Variants in ZSWIM4 observed in about 807,000 individuals in gnomAD.
ZSWIM4 encodes zinc finger SWIM-type containing 4, also known as zinc finger SWIM domain-containing protein 4.
A neutral mutation model predicts 102.5 loss-of-function variants in ZSWIM4; 62 were observed. That is an observed-to-expected ratio of 0.60 (90% CI 0.49 to 0.75). The LOEUF is 0.75. ZSWIM4 is among the 30% of genes least tolerant of loss of function. The probability of loss-of-function intolerance (pLI) is 0.00; values close to 1 mark genes in which losing one functional copy is unlikely to be tolerated. For missense variants in ZSWIM4, 1,280 were observed against 1,529.6 expected (o/e 0.84, Z 2.72); for synonymous variants, 652 against 674.5 (o/e 0.97, Z 0.52).
In ZSWIM4 at chr19:13,828,684, A is replaced by T; in HGVS notation, c.2419A>T (p.Arg807Trp). 6.2e-7 allele frequency: 1 copy of T among 1,614,078 alleles called. No individual in the cohort carries two copies. The highest frequency in any genetic ancestry group is 1.1e-5 in the South Asian group (1 of 91,088). The change falls in exon 13 of 14, where the codon AGG becomes TGG. Residue 807 changes from arginine to tryptophan, a missense_variant. Arg to Trp is a moderately radical substitution (Grantham distance 101, BLOSUM62 -3). Transcript: ENST00000590508. ...TCTGAACGTAATGACCTGGCGGCGG[A>T]GGGAGATGGTGCGCTGGCTGGTCAG... ...MTLNVMTWRR[R>W]EMVRWLVSCA... is the part of the protein sequence containing the mutation.
At chr19:13,817,482 C>G (rs538087752) in intron 8 of ZSWIM4, 129 bp downstream of exon 8, 1 of 1,292,030 alleles carries the variant, frequency 7.7e-7, no homozygotes, top group African/African-American at 1.5e-5. Context: ...CCTTGGCTAC[C>G]TCCTCTGGCC....
chr19:13,809,350 C>A lies in ZSWIM4; in HGVS notation c.1012+130C>A. The stretch of plus-strand genomic sequence containing the variant: ...GTTTGGCAAACATTTATGAGCGCCT[C>A]TAAAGTGCCAGGCATGGTACTGGGC... On this transcript the variant is annotated intron_variant, in intron 5 of 13. Coordinates refer to ENST00000590508, the MANE Select transcript of ZSWIM4 (RefSeq NM_001367834.3). The surrounding 1 kb of genome is among the most constrained non-coding windows in gnomAD (Gnocchi z 4.2). 7.7e-7 allele frequency: 1 copy of A among 1,296,660 alleles called. No homozygotes were observed. The highest frequency in any genetic ancestry group is 1.5e-5 in the South Asian group (1 of 65,576). The allele number at this position is 1,296,660 out of a possible 1,614,324, so 80.3% of individuals were successfully genotyped here.
intron 11 of ZSWIM4, among the ~76,000 whole-genome samples, chr19:13,824,760 A>C (rs1975560807): frequency 1.1e-5 from 1 of 92,966 alleles, no homozygotes; most frequent in South Asian, 2.9e-4. Context: ...AATAATAATA[A>C]TAATAATAAT....
At chr19:13,810,859 C>T (rs1975063521) in intron 5 of ZSWIM4, among the ~76,000 whole-genome samples, 1 of 150,410 alleles carries the variant, frequency 6.6e-6, no homozygotes. Context: ...ATCCGCCCGC[C>T]TCGGCTTCCC....
At chr19:13,807,266 CCAT>C (rs113471359) in intron 3 of ZSWIM4, among the ~76,000 whole-genome samples, 2,728 of 150,818 alleles carry the variant, frequency 0.018, 76 homozygotes, top group African/African-American at 0.063. Context: ...GATGATGGAC[CCAT>C]GATGGGGTAG....
At chr19:13,815,161 CT>C (rs879592528) in intron 7 of ZSWIM4, 159 of 148,506 alleles carry the variant, frequency 1.1e-3, no homozygotes, top group South Asian at 5.8e-3. Flanking sequence ...GACCTCATCT[CT>C]TTTTTTTTTT....
Position 13,830,948 on chromosome 19 carries a change from G to T in ZSWIM4, c.3219G>T (p.Ala1073=), listed in dbSNP as rs1345333263. 4 of 1,614,164 alleles carry T rather than the reference G, an allele frequency of 2.5e-6. No homozygotes were observed. The South Asian group carries it at 3.3e-5, about 13-fold the overall frequency. The change falls in exon 14 of 14, where the codon GCG becomes GCT. Residue 1073 remains alanine, a synonymous_variant. Coordinates refer to ENST00000590508, the MANE Select transcript of ZSWIM4 (RefSeq NM_001367834.3). ...AGGCCCGGGAGACCTTCCTGCTGGC[G>T]CCCGACGGGCACCTCCAGTTCTCAC... ...LGKARETFLL[A]PDGHLQFSQF... is the part of the protein sequence containing the mutation.
At chr19:13,798,669 T>C (rs1201259183) in intron 1 of ZSWIM4, among the ~76,000 whole-genome samples, 1 of 152,178 alleles carries the variant, frequency 6.6e-6, no homozygotes. Context: ...CCTCAAGAGG[T>C]TGGTGCCGTG....
At chr19:13,803,520 G>A (rs1309068528) in intron 2 of ZSWIM4, among the ~76,000 whole-genome samples, 1 of 151,966 alleles carries the variant, frequency 6.6e-6, no homozygotes, top group Non-Finnish European at 1.5e-5. Flanking sequence ...GGTGGCTCGC[G>A]CCTATAATCC....
At chr19:13,814,969 C>T in intron 7 of ZSWIM4, 104 bp downstream of exon 7, 1 of 611,168 alleles carries the variant, frequency 1.6e-6, no homozygotes, top group Non-Finnish European at 2.3e-6. Context: ...TCAGCCTGGG[C>T]AACATAGTGA....
At chr19:13,821,405 ACATCTATGGTCC>A (rs1299359868) in intron 10 of ZSWIM4, among the ~76,000 whole-genome samples, 3 of 152,090 alleles carry the variant, frequency 2.0e-5, no homozygotes, top group African/African-American at 7.2e-5. Context: ...AGCCTGGTAC[ACATCTATGGTCC>A]TAGCTACTTG....
Position 13,804,787 on chromosome 19 carries a change from C to G in ZSWIM4, c.356-5C>G, listed in dbSNP as rs745496818. On this transcript the variant is annotated splice_polypyrimidine_tract_variant and splice_region_variant and intron_variant, in intron 2 of 13. Coordinates refer to ENST00000590508, the MANE Select transcript of ZSWIM4 (RefSeq NM_001367834.3). ...ACGGATGCGACAGTTTGGCTTTGAT[C>G]CTAGGATTCCACCTGAGCGGAAACA... is the stretch of plus-strand genomic sequence containing the variant. 8 of 1,568,978 alleles carry G rather than the reference C, an allele frequency of 5.1e-6. No homozygotes were observed. The highest frequency in any genetic ancestry group is 6.9e-6 in the Non-Finnish European group (8 of 1,155,112).
rs532663436 is a variant in ZSWIM4 at position 13,812,681 on chromosome 19, G to A, written c.1013-316G>A. On this transcript the variant is annotated intron_variant, in intron 5 of 13. Transcript: ENST00000590508. ...GACAGGGCTTCACCCTGTTGGCCAG[G>A]CTGTTCTTAAACTCCTGACCTCAGG... Among the ~76,000 whole-genome samples, 30 of 150,460 alleles carry A rather than the reference G, an allele frequency of 2.0e-4. No individual in the cohort carries two copies. The South Asian group carries it at 3.2e-3, about 16-fold the overall frequency.
intron 2 of ZSWIM4, among the ~76,000 whole-genome samples, chr19:13,803,682 G>A (rs143069792): frequency 0.019 from 2,844 of 150,392 alleles, 86 homozygotes; most frequent in African/African-American, 0.066. Context: ...GTGCACGCCT[G>A]TAATCCCAGC....
intron 1 of ZSWIM4, 80 bp from the exon 2 acceptor site, chr19:13,799,640 A>C (rs1481853412): frequency 7.0e-7 from 1 of 1,428,082 alleles, no homozygotes; most frequent in East Asian, 2.3e-5. Flanking sequence ...CTTGGCCTCA[A>C]GCGATCCTCC....
intron 7 of ZSWIM4, among the ~76,000 whole-genome samples, chr19:13,815,661 G>A (rs1159120105): frequency 6.6e-6 from 1 of 150,554 alleles, no homozygotes; most frequent in African/African-American, 2.4e-5. Context: ...TAGTAGAGAT[G>A]GGGTTTCACT....
At chr19:13,802,983 G>A (rs1262899150) in intron 2 of ZSWIM4, among the ~76,000 whole-genome samples, 1 of 152,200 alleles carries the variant, frequency 6.6e-6, no homozygotes, top group Non-Finnish European at 1.5e-5. Context: ...TAGTGGAAAG[G>A]CCTTGGATCT....
chr19:13,812,486 T>G, intron 5 of ZSWIM4, among the ~76,000 whole-genome samples: 1 of 137,428 alleles, frequency 7.3e-6, no homozygotes. Context: ...TGAGATGGAG[T>G]TTTGCTCTTT....
rs190606053 is a variant in ZSWIM4 at position 13,819,883 on chromosome 19, A to G, written c.2060+391A>G. ...TTTTGAGACGGAGTCTTGCTCTGTC[A>G]CCCAGGCTGGAGTGCAGTGGCGCGA... On this transcript the variant is annotated intron_variant, in intron 10 of 13. Coordinates refer to ENST00000590508, the MANE Select transcript of ZSWIM4 (RefSeq NM_001367834.3). Among the ~76,000 whole-genome samples the G allele has an allele frequency of 9.8e-3, 1,423 of 144,884 alleles. 20 individuals are homozygous for G. Among genetic ancestry groups the G allele is most frequent in the African/African-American group, 0.035 (1,367 of 38,632 alleles).
Sources: gnomAD v4.1 joint callset for allele counts (sites outside exome capture counted in the v4.1 genomes callset) on GRCh38, gnomAD v4.1.1 for gene constraint, Gnocchi (gnomAD v3.1) non-coding constraint, MANE v1.5 for transcripts, NCBI Gene and HGNC (gene_info 2026-07-23, HGNC 2026-07-21) for gene names.